Variants in CHRM3 observed in about 807,000 individuals in gnomAD.
The protein encoded by CHRM3 is muscarinic acetylcholine receptor M3.
CHRM3 carries 11 observed loss-of-function variants against 41.8 expected under a neutral mutation model. The ratio of observed to expected loss-of-function variants is 0.26; its 90% confidence interval spans 0.17 to 0.44. The LOEUF (loss-of-function observed/expected upper bound fraction) is 0.44, where lower values mean the gene tolerates loss of function less well. Among genes scored for constraint, CHRM3 ranks in the 20% least tolerant of loss-of-function variants. The pLI is 1.00. For synonymous variants in CHRM3, 297 were observed against 301.4 expected (o/e 0.99, Z 0.15); for missense variants, 571 against 745.4 (o/e 0.77, Z 2.72).
At chr1:239,574,830 T>G (rs1390917097) in intron 3 of CHRM3, among the ~76,000 whole-genome samples, 1 of 152,052 alleles carries the variant, frequency 6.6e-6, no homozygotes, top group Non-Finnish European at 1.5e-5. Flanking sequence ...CTCCTCCTCT[T>G]CTTATTTTCT....
chr1:239,685,303 T>G (rs1332940176), intron 5 of CHRM3, among the ~76,000 whole-genome samples: 1 of 152,136 alleles, frequency 6.6e-6, no homozygotes, highest in Non-Finnish European at 1.5e-5. Context: ...CCCGGGAGTT[T>G]TGTGAGGAAT....
intron 4 of CHRM3, among the ~76,000 whole-genome samples, chr1:239,668,096 T>TC (rs1674001326): frequency 7.6e-6 from 1 of 131,752 alleles, no homozygotes; most frequent in Non-Finnish European, 1.6e-5. Context: ...TTTCTTTTTT[T>TC]TTTTTTTTTT....
intron 5 of CHRM3, among the ~76,000 whole-genome samples, chr1:239,786,229 C>G (rs1668882305): frequency 6.6e-6 from 1 of 152,068 alleles, no homozygotes; most frequent in African/African-American, 2.4e-5. Flanking sequence ...TTAAAACAAA[C>G]AGCACTCCCC....
At chr1:239,431,786 T>C (rs181682946) in intron 1 of CHRM3, among the ~76,000 whole-genome samples, 1 of 152,300 alleles carries the variant, frequency 6.6e-6, no homozygotes, top group East Asian at 1.9e-4. Context: ...GAAATACTAA[T>C]TAACTAAACA....
At chr1:239,453,647 T>G (rs570735417) in intron 1 of CHRM3, among the ~76,000 whole-genome samples, 25 of 152,352 alleles carry the variant, frequency 1.6e-4, no homozygotes, top group Middle Eastern at 3.4e-3. Flanking sequence ...AGGTATATAT[T>G]ATGCATTCTA....
intron 5 of CHRM3, among the ~76,000 whole-genome samples, chr1:239,766,908 C>T (rs750308047): frequency 2.0e-4 from 31 of 152,086 alleles, no homozygotes; most frequent in Non-Finnish European, 3.1e-4. Flanking sequence ...GACAGGGTTT[C>T]GCCATTTTGG....
chr1:239,442,339 TC>T (rs1199022936), intron 1 of CHRM3, among the ~76,000 whole-genome samples: 1 of 152,096 alleles, frequency 6.6e-6, no homozygotes, highest in Non-Finnish European at 1.5e-5. Flanking sequence ...ACCCCTGAGC[TC>T]AGGCAATCCA....
intron 5 of CHRM3, among the ~76,000 whole-genome samples, chr1:239,735,016 G>A (rs980961662): frequency 2.0e-5 from 3 of 152,100 alleles, no homozygotes; most frequent in Admixed American, 1.3e-4. Context: ...CAAAAGGGTG[G>A]TTATGTTAGA....
At chr1:239,647,062 T>C (rs1671799281) in intron 4 of CHRM3, among the ~76,000 whole-genome samples, 1 of 152,220 alleles carries the variant, frequency 6.6e-6, no homozygotes, top group South Asian at 2.1e-4. Flanking sequence ...TTCACACTTT[T>C]TAATTCTTTT....
chr1:239,402,621 C>T, intron 1 of CHRM3, among the ~76,000 whole-genome samples: 1 of 152,256 alleles, frequency 6.6e-6, no homozygotes, highest in South Asian at 2.1e-4. Context: ...GGAAACCACA[C>T]TTCCAAATTT....
At chr1:239,751,440 A>G (rs1300141336) in intron 5 of CHRM3, among the ~76,000 whole-genome samples, 1 of 152,200 alleles carries the variant, frequency 6.6e-6, no homozygotes, top group East Asian at 1.9e-4. Context: ...GGACATTTCT[A>G]TAATTTAGTT....
chr1:239,881,029 A>T lies in CHRM3; in HGVS notation c.-19-26404A>T, dbSNP rs372213113. ...CCGGGCGCGGTGGCTCACGCCTGTCATCCCAGCACTTTGGGAGACCGAGGT... is the reference window on the plus strand; with the variant it reads ...CCGGGCGCGGTGGCTCACGCCTGTCTTCCCAGCACTTTGGGAGACCGAGGT... On this transcript the variant is annotated intron_variant, in intron 6 of 6. Coordinates refer to ENST00000676153, the MANE Select transcript of CHRM3 (RefSeq NM_001375978.1). Among the ~76,000 whole-genome samples, 24 of 152,190 alleles carry T rather than the reference A, an allele frequency of 1.6e-4. No individual in the cohort carries two copies. The East Asian group carries it at 4.7e-3, about 30-fold the overall frequency.
intron 4 of CHRM3, among the ~76,000 whole-genome samples, chr1:239,663,088 A>G (rs1673426296): frequency 6.6e-6 from 1 of 151,434 alleles, no homozygotes; most frequent in Non-Finnish European, 1.5e-5. Flanking sequence ...TGGGAAGCAG[A>G]AGGTCTCAGT....
At chr1:239,889,826 G>C (rs987289485) in intron 6 of CHRM3, among the ~76,000 whole-genome samples, 8 of 152,188 alleles carry the variant, frequency 5.3e-5, no homozygotes, top group African/African-American at 1.9e-4. Flanking sequence ...GGTGGTGAGA[G>C]AGAAAGATAA....
chr1:239,459,667 G>C (rs1237744043), intron 1 of CHRM3, among the ~76,000 whole-genome samples: 2 of 152,094 alleles, frequency 1.3e-5, no homozygotes, highest in African/African-American at 4.8e-5. Context: ...GGAGTGACAG[G>C]ATGGGTAGTT....
chr1:239,874,299 A>ATATATATATCTATATACACAG (rs1553291961), intron 6 of CHRM3, among the ~76,000 whole-genome samples: 65 of 116,660 alleles, frequency 5.6e-4, no homozygotes, highest in African/African-American at 1.3e-3. Flanking sequence ...ATATATATAT[A>ATATATATATCTATATACACAG]TATATATATA....
intron 6 of CHRM3, among the ~76,000 whole-genome samples, chr1:239,885,111 C>G (rs1232683172): frequency 1.3e-5 from 2 of 152,122 alleles, no homozygotes; most frequent in Admixed American, 6.5e-5. Flanking sequence ...TTTTAACAAG[C>G]AGGTGCCTTA....
At chr1:239,433,753 T>C (rs1663014618) in intron 1 of CHRM3, among the ~76,000 whole-genome samples, 1 of 152,186 alleles carries the variant, frequency 6.6e-6, no homozygotes, top group Admixed American at 6.5e-5. Flanking sequence ...AATAGTAGTC[T>C]CCAGTTCCGT....
At chr1:239,777,526 A>G (rs1668188491) in intron 5 of CHRM3, among the ~76,000 whole-genome samples, 1 of 152,214 alleles carries the variant, frequency 6.6e-6, no homozygotes, top group Admixed American at 6.5e-5. Context: ...TAAAATGTTA[A>G]ATCTATCACA....
Sources: allele counts gnomAD v4.1 joint callset (sites outside exome capture counted in the v4.1 genomes callset), GRCh38; gene constraint gnomAD v4.1.1; transcripts MANE v1.5; gene names NCBI Gene and HGNC (gene_info 2026-07-23, HGNC 2026-07-21).